The following HTR1F variants were observed in gnomAD, a reference collection of about 807,000 sequenced individuals.
HTR1F encodes the protein 5-hydroxytryptamine (serotonin) receptor 1F, G protein-coupled.
A neutral mutation model predicts 24.0 loss-of-function variants in HTR1F; 17 were observed. The ratio of observed to expected loss-of-function variants is 0.71; its 90% confidence interval spans 0.48 to 1.06. The LOEUF is 1.06. HTR1F is among the 50% of genes least tolerant of loss of function. The pLI is 0.00. For missense variants in HTR1F, 391 were observed against 427.8 expected, an observed-to-expected ratio of 0.91 and a Z score of 0.76; for synonymous variants, 186 against 156.8, an observed-to-expected ratio of 1.19 and a Z score of -1.39.
At chr3:87,824,795 C>T (rs189291030) in intron 2 of HTR1F, among the ~76,000 whole-genome samples, 1 of 152,236 alleles carries the variant, frequency 6.6e-6, no homozygotes, top group East Asian at 1.9e-4. Flanking sequence ...TCAAAAATTA[C>T]CAAATTAATT....
intron 2 of HTR1F, among the ~76,000 whole-genome samples, chr3:87,828,991 T>C (rs1704518664): frequency 6.6e-6 from 1 of 151,934 alleles, no homozygotes; most frequent in Non-Finnish European, 1.5e-5. Flanking sequence ...TGTGGTTCAT[T>C]TCTAGGGTGG....
intron 1 of HTR1F, among the ~76,000 whole-genome samples, chr3:87,821,130 A>AT (rs1486230457): frequency 1.3e-5 from 2 of 152,152 alleles, no homozygotes; most frequent in African/African-American, 4.8e-5. Context: ...AATGATGTTT[A>AT]TTTTTGGTGC....
At chr3:87,952,255 A>AT (rs200243282) in intron 2 of HTR1F, among the ~76,000 whole-genome samples, 3,374 of 152,102 alleles carry the variant, frequency 0.022, 60 homozygotes, top group South Asian at 0.033. Context: ...TTTAAAATTT[A>AT]TTTTTTAACA....
intron 2 of HTR1F, among the ~76,000 whole-genome samples, chr3:87,937,143 A>G (rs1436688461): frequency 6.6e-6 from 1 of 151,816 alleles, no homozygotes; most frequent in Non-Finnish European, 1.5e-5. Flanking sequence ...GGCCAGCATC[A>G]TCCTGATACC....
At chr3:87,905,113 G>A (rs1703631060) in intron 2 of HTR1F, among the ~76,000 whole-genome samples, 1 of 151,748 alleles carries the variant, frequency 6.6e-6, no homozygotes, top group Non-Finnish European at 1.5e-5. Context: ...TTTGAAACTA[G>A]CCTGAGCAAC....
intron 2 of HTR1F, among the ~76,000 whole-genome samples, chr3:87,990,283 C>G (rs1259177469): frequency 1.3e-5 from 2 of 152,184 alleles, no homozygotes; most frequent in African/African-American, 4.8e-5. Context: ...AGGGCACTGG[C>G]TCTATCAGCT....
intron 2 of HTR1F, among the ~76,000 whole-genome samples, chr3:87,920,370 A>G (rs1266896556): frequency 5.3e-5 from 8 of 151,948 alleles, no homozygotes; most frequent in Non-Finnish European, 1.0e-4. Context: ...CATGTAACCA[A>G]ACACCACCTG....
chr3:87,887,384 C>G (rs1705974580), intron 2 of HTR1F, among the ~76,000 whole-genome samples: 1 of 152,104 alleles, frequency 6.6e-6, no homozygotes, highest in Admixed American at 6.6e-5. Context: ...AGAAGAAAAC[C>G]TAGGCAATAC....
intron 2 of HTR1F, among the ~76,000 whole-genome samples, chr3:87,851,168 C>T (rs956788720): frequency 2.6e-4 from 40 of 151,834 alleles, no homozygotes; most frequent in Middle Eastern, 3.4e-3. Flanking sequence ...CATATTTAAA[C>T]ATTAGTTTCT....
rs560258760 is a variant in HTR1F, at chr3:87,894,592, A to C, written c.-43+72468A>C. Among the ~76,000 whole-genome samples, 57 of 118,116 alleles carry C rather than the reference A, an allele frequency of 4.8e-4. 1 individual carries two copies. The highest frequency in any genetic ancestry group is 1.7e-3 in the African/African-American group (51 of 29,584). 77.5% of individuals were successfully genotyped at this position (118,116 alleles called of 152,430 possible). ...TTTTTTTTTTTTTTTTTTGAGACAG[A>C]GTCTCTCTCTGTCACCCAGGCTGGA... is the stretch of plus-strand genomic sequence containing the variant. On this transcript the variant is annotated intron_variant, in intron 2 of 2. Coordinates refer to ENST00000319595, the MANE Select transcript of HTR1F (RefSeq NM_001322209.2).
intron 2 of HTR1F, among the ~76,000 whole-genome samples, chr3:87,829,105 G>A (rs934112633): frequency 5.3e-5 from 8 of 151,790 alleles, no homozygotes; most frequent in African/African-American, 1.7e-4. Context: ...AGGCTGTGAA[G>A]GAGACTTCTA....
chr3:87,973,955 T>C (rs1705340039), intron 2 of HTR1F, among the ~76,000 whole-genome samples: 1 of 152,300 alleles, frequency 6.6e-6, no homozygotes, highest in South Asian at 2.1e-4. Flanking sequence ...CTGTTCACCA[T>C]GGCCAGGTAT....
At chr3:87,939,146 A>G (rs911479556) in intron 2 of HTR1F, among the ~76,000 whole-genome samples, 1 of 152,172 alleles carries the variant, frequency 6.6e-6, no homozygotes, top group African/African-American at 2.4e-5. Context: ...AGTTTTTGTC[A>G]TTGGTTCTCT....
intron 1 of HTR1F, among the ~76,000 whole-genome samples, chr3:87,818,035 C>T (rs193222031): frequency 3.9e-5 from 6 of 152,128 alleles, no homozygotes; most frequent in Admixed American, 1.3e-4. Context: ...GTAATTTATC[C>T]TTGGTTGTTT....
intron 2 of HTR1F, among the ~76,000 whole-genome samples, chr3:87,973,171 C>CA (rs373038127): frequency 5.3e-5 from 8 of 151,646 alleles, no homozygotes; most frequent in African/African-American, 7.3e-5. Context: ...AACTCTCTAT[C>CA]AAAAAAAATA....
intron 2 of HTR1F, among the ~76,000 whole-genome samples, chr3:87,880,806 C>A (rs1294241328): frequency 6.6e-6 from 1 of 152,102 alleles, no homozygotes; most frequent in Non-Finnish European, 1.5e-5. Context: ...CTACTCTTTT[C>A]AGTTTTTCTC....
chr3:87,857,106 T>A (rs761623420), intron 2 of HTR1F, among the ~76,000 whole-genome samples: 1 of 152,066 alleles, frequency 6.6e-6, no homozygotes, highest in Non-Finnish European at 1.5e-5. Context: ...TTATTATTTA[T>A]TATTATTTTA....
In HTR1F at chr3:87,973,528, A is replaced by G. The variant is rs72917736; in HGVS notation, c.-42-17180A>G. Among the ~76,000 whole-genome samples, 720 of 152,354 alleles carry G rather than the reference A, an allele frequency of 4.7e-3. 2 individuals are homozygous for G. The highest frequency in any genetic ancestry group is 0.017 in the African/African-American group (694 of 41,582). ...GCAAAACTGCTATAACCGTCTATGCATAATAATGGCTTTTAAAAAACACAT... is the reference window on the plus strand; with the variant it reads ...GCAAAACTGCTATAACCGTCTATGCGTAATAATGGCTTTTAAAAAACACAT... On this transcript the variant is annotated intron_variant, in intron 2 of 2. Transcript: ENST00000319595.
intron 2 of HTR1F, among the ~76,000 whole-genome samples, chr3:87,979,162 G>A (rs1407716077): frequency 1.4e-5 from 2 of 144,710 alleles, no homozygotes; most frequent in Middle Eastern, 3.7e-3. Context: ...GAAAGACTGA[G>A]GGTCTTAGTG....
Sources: gnomAD v4.1 joint callset for allele counts (sites outside exome capture counted in the v4.1 genomes callset) on GRCh38, gnomAD v4.1.1 for gene constraint, MANE v1.5 for transcripts, NCBI Gene and HGNC (gene_info 2026-07-23, HGNC 2026-07-21) for gene names.